Variants in GLI2 observed in about 807,000 individuals in gnomAD.
GLI2 encodes the protein GLI family zinc finger 2.
In GLI2, 22 loss-of-function variants were observed where a neutral mutation model predicts 78.9. The ratio of observed to expected loss-of-function variants is 0.28; its 90% CI spans 0.20 to 0.40. The LOEUF (loss-of-function observed/expected upper bound fraction) is 0.40. Among genes scored for constraint, GLI2 ranks in the 10% least tolerant of loss-of-function variants. The pLI is 1.00. For synonymous variants in GLI2, 974 were observed against 963.7 expected (o/e 1.01, Z -0.20); for missense variants, 2,097 against 2,213.2 (o/e 0.95, Z 1.05).
At chr2:120,917,941 C>T in intron 2 of GLI2, among the ~76,000 whole-genome samples, 1 of 152,210 alleles carries the variant, frequency 6.6e-6, no homozygotes. Context: ...GCCTAAGCCT[C>T]CTGGGGATTG....
chr2:120,869,808 A>C (rs1688334040), intron 2 of GLI2, among the ~76,000 whole-genome samples: 1 of 152,018 alleles, frequency 6.6e-6, no homozygotes, highest in Non-Finnish European at 1.5e-5. Flanking sequence ...AATGCAAGCA[A>C]ACCCGTTCCC....
intron 2 of GLI2, among the ~76,000 whole-genome samples, chr2:120,872,979 G>A (rs1688546642): frequency 6.6e-6 from 1 of 152,222 alleles, no homozygotes; most frequent in South Asian, 2.1e-4. Flanking sequence ...GTACCACCCA[G>A]GGAGAGCCAG....
intron 2 of GLI2, among the ~76,000 whole-genome samples, chr2:120,919,317 C>G (rs1211915969): frequency 1.3e-5 from 2 of 152,240 alleles, no homozygotes; most frequent in African/African-American, 4.8e-5. Context: ...TGTCAAAAAG[C>G]CCTTCTCCAG....
chr2:120,820,427 T>G (rs1573428971), intron 2 of GLI2, among the ~76,000 whole-genome samples: 1 of 151,978 alleles, frequency 6.6e-6, no homozygotes, highest in Admixed American at 6.6e-5. Context: ...GAGCATTAGT[T>G]CCCCCCTCTC....
chr2:120,935,057 G>A (rs1404814324), intron 3 of GLI2, among the ~76,000 whole-genome samples: 1 of 152,194 alleles, frequency 6.6e-6, no homozygotes, highest in Non-Finnish European at 1.5e-5. Context: ...CGAGGTTCAC[G>A]ATTCATAGAG....
intron 2 of GLI2, among the ~76,000 whole-genome samples, chr2:120,913,784 G>A (rs114739443): frequency 6.6e-6 from 1 of 152,216 alleles, no homozygotes; most frequent in African/African-American, 2.4e-5. Flanking sequence ...CGGTTTTAAA[G>A]GTCATTGATT....
intron 2 of GLI2, among the ~76,000 whole-genome samples, chr2:120,869,186 G>A (rs72835590): frequency 6.6e-6 from 1 of 152,172 alleles, no homozygotes; most frequent in Non-Finnish European, 1.5e-5. Context: ...GGGACAGGGA[G>A]GGGAGAGAAG....
chr2:120,740,299 C>T (rs1682490634), intron 1 of GLI2, among the ~76,000 whole-genome samples: 1 of 152,038 alleles, frequency 6.6e-6, no homozygotes, highest in African/African-American at 2.4e-5. Flanking sequence ...TGTGTTGTTT[C>T]TGGTTTCTTA....
At chr2:120,933,437 G>T (rs771189539) in intron 3 of GLI2, among the ~76,000 whole-genome samples, 69 of 152,262 alleles carry the variant, frequency 4.5e-4, no homozygotes, top group Non-Finnish European at 8.1e-4. Context: ...GTCAAGCAAG[G>T]TTCTCTTGAA....
In GLI2 at chr2:120,897,048, G is replaced by T. The variant is rs895659590; in HGVS notation, c.149-30313G>T. The stretch of plus-strand genomic sequence containing the variant: ...CAGGTGGCCTGTGTGAGGGAGAGGG[G>T]CTGGGGGAAGAGATTCCTGCACTGT... On this transcript the variant is annotated intron_variant, in intron 2 of 13. Coordinates refer to ENST00000361492, the MANE Select transcript of GLI2 (RefSeq NM_001374353.1). 2.6e-5 allele frequency among the ~76,000 whole-genome samples: 4 copies of T among 152,326 alleles called. No individual in the cohort carries two copies. In the East Asian group the frequency reaches 5.8e-4, roughly 22 times the overall value.
intron 3 of GLI2, among the ~76,000 whole-genome samples, chr2:120,947,364 T>G (rs1680760289): frequency 3.9e-5 from 6 of 152,240 alleles, no homozygotes; most frequent in Admixed American, 3.9e-4. Context: ...TTGTGAATGT[T>G]TTATTTGAAT....
chr2:120,879,882 C>G (rs1029811292), intron 2 of GLI2, among the ~76,000 whole-genome samples: 1 of 152,210 alleles, frequency 6.6e-6, no homozygotes, highest in African/African-American at 2.4e-5. Context: ...GTCATTTTCT[C>G]CAGCCTCTAG....
intron 2 of GLI2, among the ~76,000 whole-genome samples, chr2:120,858,964 G>A (rs566916138): frequency 3.3e-5 from 5 of 152,360 alleles, no homozygotes; most frequent in South Asian, 2.1e-4. Flanking sequence ...GGACCGGAGC[G>A]TTCTTGCCCT....
Position 120,970,405 on chromosome 2 carries a change from C to T in GLI2, c.858C>T (p.Thr286=). 1 of 1,611,176 alleles carries T rather than the reference C, an allele frequency of 6.2e-7. No homozygotes were observed. The highest frequency in any genetic ancestry group is 1.1e-5 in the South Asian group (1 of 91,016). The change falls in exon 7 of 14, where the codon ACC becomes ACT. Residue 286 remains threonine, a synonymous_variant. Transcript: ENST00000361492. ...CTCTCTGTTGCAGCCCAGCCTTCACCTTCCCCCACCCCATCAACCCCGTGG... is the reference window on the plus strand; with the variant it reads ...CTCTCTGTTGCAGCCCAGCCTTCACTTTCCCCCACCCCATCAACCCCGTGG... ...LSAGALSPAF[T]FPHPINPVAY...
At chr2:120,964,262 G>A (rs1167181047) in intron 5 of GLI2, among the ~76,000 whole-genome samples, 2 of 152,232 alleles carry the variant, frequency 1.3e-5, no homozygotes, top group African/African-American at 2.4e-5. Flanking sequence ...AAGTCCCTGA[G>A]CAGGTGTTAT....
At chr2:120,982,935 A>G (rs1682784074) in intron 11 of GLI2, 55 bp downstream of exon 11, 11 of 1,556,058 alleles carry the variant, frequency 7.1e-6, no homozygotes, top group Non-Finnish European at 9.7e-6. Context: ...CTGACGCCCC[A>G]TGGCTTCCAG....
At chr2:120,742,873 A>G (rs909776807) in intron 1 of GLI2, among the ~76,000 whole-genome samples, 6 of 152,182 alleles carry the variant, frequency 3.9e-5, no homozygotes, top group Non-Finnish European at 4.4e-5. Context: ...AGGTGAAATG[A>G]TTTACTTAAT....
At chr2:120,779,909 C>T (rs951441222) in intron 1 of GLI2, among the ~76,000 whole-genome samples, 1 of 152,120 alleles carries the variant, frequency 6.6e-6, no homozygotes, top group Non-Finnish European at 1.5e-5. Flanking sequence ...AGAGTGTATA[C>T]GTGTGTGAGT....
Position 120,970,584 on chromosome 2 carries a change from A to G in GLI2, c.1037A>G (p.Asn346Ser). ...CCCACCCAGCTCAGCAGCAGCAGCAACTGTCTGAGTGACACCAACCAGGTA... is the reference window on the plus strand; with the variant it reads ...CCCACCCAGCTCAGCAGCAGCAGCAGCTGTCTGAGTGACACCAACCAGGTA... ...ATPTQLSSSS[N>S]CLSDTNQNKQ... The change falls in exon 7 of 14, where the codon AAC becomes AGC. Residue 346 changes from asparagine to serine, a missense_variant. Coordinates refer to ENST00000361492, the MANE Select transcript of GLI2 (RefSeq NM_001374353.1). The G allele has an allele frequency of 3.1e-6, 5 of 1,614,094 alleles. No individual in the cohort carries two copies. The highest frequency in any genetic ancestry group is 4.2e-6 in the Non-Finnish European group (5 of 1,179,958).
Sources: gnomAD v4.1 joint callset for allele counts (sites outside exome capture counted in the v4.1 genomes callset) on GRCh38, gnomAD v4.1.1 for gene constraint, MANE v1.5 for transcripts, NCBI Gene and HGNC (gene_info 2026-07-23, HGNC 2026-07-21) for gene names.